The following LRTM2 variants were observed in gnomAD, a reference collection of about 807,000 sequenced individuals.
LRTM2 encodes leucine-rich repeat and transmembrane domain-containing protein 2.
A neutral mutation model predicts 28.1 loss-of-function variants in LRTM2; 18 were observed. That is an observed-to-expected ratio of 0.64 (90% confidence interval 0.44 to 0.95). LRTM2 has a LOEUF of 0.95. LRTM2 is among the 40% of genes least tolerant of loss of function. The pLI, the probability that LRTM2 is intolerant of heterozygous loss-of-function variation, is 0.00. For synonymous variants in LRTM2, 250 were observed against 218.7 expected (o/e 1.14, Z -1.26); for missense variants, 436 against 497.2 (o/e 0.88, Z 1.17).
intron 4 of LRTM2, 56 bp downstream of exon 4, chr12:1,831,581 C>T: frequency 7.0e-6 from 10 of 1,418,790 alleles, no homozygotes; most frequent in Non-Finnish European, 4.9e-6. Flanking sequence ...ACCTCTGGCC[C>T]CACACTTTCC....
rs1390257124 is a variant in LRTM2 at position 1,829,612 on chromosome 12, C to T, written c.68-1323C>T. Among the ~76,000 whole-genome samples the T allele has an allele frequency of 1.3e-5, 2 of 151,884 alleles. No homozygotes were observed. The highest frequency in any genetic ancestry group is 1.5e-5 in the Non-Finnish European group (1 of 67,960). On this transcript the variant is annotated intron_variant, in intron 3 of 4. Transcript: ENST00000299194. This position sits in a 1 kb window ranked among gnomAD's most constrained non-coding sequence, Gnocchi z 4.2. ...GAGAGTCTCATCCTGTTCCTTCAAGCTCCACCCTTTGGGACAGCAGACACC... is the reference window on the plus strand; with the variant it reads ...GAGAGTCTCATCCTGTTCCTTCAAGTTCCACCCTTTGGGACAGCAGACACC...
At chr12:1,827,275 TG>T (rs35473074) in intron 1 of LRTM2, 134 bp from the exon 2 acceptor site, 70,133 of 151,962 alleles carry the variant, frequency 0.46, 16,555 homozygotes, top group East Asian at 0.66. Context: ...TGGGAGACAC[TG>T]GGGGGGGCAG....
At position 1,830,984 on chromosome 12, in the gene LRTM2, C is replaced by T. The variant is rs779848631; in HGVS notation, c.117C>T (p.Cys39=). The T allele has an allele frequency of 6.2e-7, 1 of 1,613,830 alleles. No individual in the cohort carries two copies. The highest frequency in any genetic ancestry group is 2.2e-5 in the East Asian group (1 of 44,870). The part of the protein sequence containing the change: ...ALYAVEALPT[C]PFSCKCDSRS... ...ATGCTGTGGAGGCCCTCCCCACCTG[C>T]CCTTTCTCCTGCAAGTGTGACAGCC... Residue 39 remains cysteine (C), a synonymous_variant, in exon 4 of 5, where the codon TGC becomes TGT. Coordinates refer to ENST00000299194, the MANE Select transcript of LRTM2 (RefSeq NM_001039029.3).
chr12:1,828,340 T>G lies in LRTM2; in HGVS notation c.67+125T>G. On this transcript the variant is annotated intron_variant, in intron 3 of 4. Coordinates refer to ENST00000299194, the MANE Select transcript of LRTM2 (RefSeq NM_001039029.3). The surrounding 1 kb of genome is among the most constrained non-coding windows in gnomAD (Gnocchi z 4.2). The stretch of plus-strand genomic sequence containing the variant: ...CAGGGAGGCCTACGCCAGATCTTCC[T>G]GGGGTACCCGAGGCTATGTTCTGGG... 2.3e-6 allele frequency: 2 copies of G among 854,100 alleles called. No homozygotes were observed. The highest frequency in any genetic ancestry group is 2.6e-4 in the Middle Eastern group (1 of 3,824). The allele number at this position is 854,100 out of a possible 1,614,324, so 52.9% of individuals were successfully genotyped here. A position where few individuals can be genotyped will look rare whatever the true frequency, so the allele number is the denominator to read the frequency against.
intron 1 of LRTM2, among the ~76,000 whole-genome samples, chr12:1,824,003 C>A (rs982124770): frequency 1.3e-5 from 2 of 152,242 alleles, no homozygotes; most frequent in African/African-American, 4.8e-5. Context: ...TGAGTTATTT[C>A]ATTTCTGGTG....
intron 4 of LRTM2, among the ~76,000 whole-genome samples, chr12:1,832,686 T>C (rs1864685646): frequency 6.6e-6 from 1 of 152,180 alleles, no homozygotes. Context: ...CTATGATCAT[T>C]TCCCCCATTT....
intron 1 of LRTM2, among the ~76,000 whole-genome samples, chr12:1,821,161 G>T (rs995688582): frequency 6.6e-6 from 1 of 152,204 alleles, no homozygotes; most frequent in African/African-American, 2.4e-5. Context: ...TTGTGCTGTC[G>T]TTGTGCCCGG....
chr12:1,831,425 C>A lies in LRTM2; in HGVS notation c.558C>A (p.Pro186=), dbSNP rs747242920. 3 of 1,614,130 alleles carry A rather than the reference C, an allele frequency of 1.9e-6. No individual in the cohort carries two copies. The highest frequency in any genetic ancestry group is 2.7e-5 in the African/African-American group (2 of 75,066). The change falls in exon 4 of 5, where the codon CCC becomes CCA. Residue 186 remains proline, a synonymous_variant. Coordinates refer to ENST00000299194, the MANE Select transcript of LRTM2 (RefSeq NM_001039029.3). ...ATCTGGACCGGCTGACATTTGAACC[C>A]CTAGCAAACCTGCAGCTGCTGCAGG... ...LQNLDRLTFE[P]LANLQLLQVG...
rs1433945931 is a variant in LRTM2 at position 1,828,042 on chromosome 12, G to A, written c.-73-34G>A. 3.8e-5 allele frequency: 41 copies of A among 1,079,014 alleles called. No individual in the cohort carries two copies. Among genetic ancestry groups the A allele is most frequent in the East Asian group, 9.0e-5 (3 of 33,414 alleles). The allele number at this position is 1,079,014 out of a possible 1,614,324, so 66.8% of individuals were successfully genotyped here. A position where few individuals can be genotyped will look rare whatever the true frequency, so the allele number is the denominator to read the frequency against. On this transcript the variant is annotated intron_variant, in intron 2 of 4. Transcript: ENST00000299194. The surrounding 1 kb of genome is among the most constrained non-coding windows in gnomAD (Gnocchi z 4.2). ...CCCTGGGCTGGAACGGGGCTCCCGC[G>A]CCTGCCTGTGCTCAGTGCTCCTCCC...
In LRTM2 at chr12:1,835,950, C is replaced by T. The variant is rs1444047897; in HGVS notation, c.*1229C>T. On this transcript the variant is annotated 3_prime_UTR_variant, in exon 5 of 5. Transcript: ENST00000299194. ...GTGGTGCTTTGCCATTGGTGGCACC[C>T]TCTGGGGAAAGCAGGTGGCAGGCAG... 1 of 152,380 alleles carries T rather than the reference C, an allele frequency of 6.6e-6. No homozygotes were observed. The allele number at this position is 152,380 out of a possible 1,614,324, so 9.4% of individuals were successfully genotyped here. A position where few individuals can be genotyped will look rare whatever the true frequency, so the allele number is the denominator to read the frequency against.
chr12:1,833,397 C>T lies in LRTM2; in HGVS notation c.659-870C>T, dbSNP rs1864716157. ...GGTCTAGACAGATTATTGTCCTCAA[C>T]CACCTTCTCTCTCACCCCAGCCCTG... On this transcript the variant is annotated intron_variant, in intron 4 of 4. Coordinates refer to ENST00000299194, the MANE Select transcript of LRTM2 (RefSeq NM_001039029.3). The surrounding 1 kb of genome is among the most constrained non-coding windows in gnomAD (Gnocchi z 4.2). Among the ~76,000 whole-genome samples the T allele has an allele frequency of 6.6e-6, 1 of 152,154 alleles. No homozygotes were observed. Among genetic ancestry groups the T allele is most frequent in the Non-Finnish European group, 1.5e-5 (1 of 68,036 alleles).
rs1365094151 is a variant in LRTM2 at position 1,828,714 on chromosome 12, T to C, written c.67+499T>C. ...ATGCCTCCGCTTTCCCAACTCTCGGTAGAGGACCTAGTGGGCTCGTGGGAT... is the reference window on the plus strand; with the variant it reads ...ATGCCTCCGCTTTCCCAACTCTCGGCAGAGGACCTAGTGGGCTCGTGGGAT... On this transcript the variant is annotated intron_variant, in intron 3 of 4. Coordinates refer to ENST00000299194, the MANE Select transcript of LRTM2 (RefSeq NM_001039029.3). This position sits in a 1 kb window ranked among gnomAD's most constrained non-coding sequence, Gnocchi z 4.2. Among the ~76,000 whole-genome samples, 4 of 152,186 alleles carry C rather than the reference T, an allele frequency of 2.6e-5. No individual in the cohort carries two copies. The highest frequency in any genetic ancestry group is 9.7e-5 in the African/African-American group (4 of 41,446).
Position 1,831,162 on chromosome 12 carries a change from C to G in LRTM2, c.295C>G (p.Leu99Val). 1 of 1,614,034 alleles carries G rather than the reference C, an allele frequency of 6.2e-7. No homozygotes were observed. The highest frequency in any genetic ancestry group is 8.5e-7 in the Non-Finnish European group (1 of 1,180,042). Residue 99 changes from leucine to valine, a missense_variant, in exon 4 of 5, where the codon CTG becomes GTG. Transcript: ENST00000299194. ...ANLSSLQRLD[L>V]SNNFLDRLPR... ...CCTCTCCAGCCTGCAGCGGTTGGAC[C>G]TGTCCAACAACTTCCTGGACCGGCT...
intron 1 of LRTM2, among the ~76,000 whole-genome samples, chr12:1,821,780 C>T (rs1335914615): frequency 6.6e-6 from 1 of 152,146 alleles, no homozygotes; most frequent in Non-Finnish European, 1.5e-5. Context: ...GTTCACATTC[C>T]TGCACCTCCC....
At position 1,834,129 on chromosome 12, in the gene LRTM2, A is replaced by G; in HGVS notation, c.659-138A>G. ...TTCCCTCCTCCGCTTCCTCTTCTATAGATGGTGATTCCAGGATTGACTACA... is the reference window on the plus strand; with the variant it reads ...TTCCCTCCTCCGCTTCCTCTTCTATGGATGGTGATTCCAGGATTGACTACA... On this transcript the variant is annotated intron_variant, in intron 4 of 4. Transcript: ENST00000299194. This position sits in a 1 kb window ranked among gnomAD's most constrained non-coding sequence, Gnocchi z 7.6. 2.0e-6 allele frequency: 2 copies of G among 988,294 alleles called. No individual in the cohort carries two copies. The highest frequency in any genetic ancestry group is 2.9e-6 in the Non-Finnish European group (2 of 700,162). The allele number at this position is 988,294 out of a possible 1,614,324, so 61.2% of individuals were successfully genotyped here.
rs144205835 is a variant in LRTM2, at chr12:1,828,241, G to C, written c.67+26G>C. ...GTGAGTACACCCCTGGCCTCGGAGG[G>C]GGGTGCGGGTTGGGTGGGGGTGCCG... is the stretch of plus-strand genomic sequence containing the variant. On this transcript the variant is annotated intron_variant, in intron 3 of 4. Transcript: ENST00000299194. The surrounding 1 kb of genome is among the most constrained non-coding windows in gnomAD (Gnocchi z 4.2). 8.4e-5 allele frequency: 128 copies of C among 1,531,368 alleles called. No individual in the cohort carries two copies. The African/African-American group carries it at 1.7e-3, about 20-fold the overall frequency. 94.9% of individuals were successfully genotyped at this position (1,531,368 alleles called of 1,614,324 possible).
At position 1,828,829 on chromosome 12, in the gene LRTM2, C is replaced by T. The variant is rs534953833; in HGVS notation, c.67+614C>T. On this transcript the variant is annotated intron_variant, in intron 3 of 4. Coordinates refer to ENST00000299194, the MANE Select transcript of LRTM2 (RefSeq NM_001039029.3). This position sits in a 1 kb window ranked among gnomAD's most constrained non-coding sequence, Gnocchi z 4.2. ...TCCATTTACCAAAAAGGGGAGGAAG[C>T]GTGAATGAAGGCAACACTTGGCAGC... Among the ~76,000 whole-genome samples the T allele has an allele frequency of 6.3e-4, 96 of 152,302 alleles. No homozygotes were observed. Among genetic ancestry groups the T allele is most frequent in the African/African-American group, 2.1e-3 (89 of 41,564 alleles).
At position 1,829,731 on chromosome 12, in the gene LRTM2, T is replaced by G. The variant is rs550920269; in HGVS notation, c.68-1204T>G. Among the ~76,000 whole-genome samples, 1 of 144,692 alleles carries G rather than the reference T, an allele frequency of 6.9e-6. No individual in the cohort carries two copies. The highest frequency in any genetic ancestry group is 6.9e-5 in the Admixed American group (1 of 14,572). 94.9% of individuals were successfully genotyped at this position (144,692 alleles called of 152,430 possible). A position where few individuals can be genotyped will look rare whatever the true frequency, so the allele number is the denominator to read the frequency against. On this transcript the variant is annotated intron_variant, in intron 3 of 4. Transcript: ENST00000299194. This position sits in a 1 kb window ranked among gnomAD's most constrained non-coding sequence, Gnocchi z 4.2. ...TGGGACAGCCAGGTCCCAGGTCCCATGTCAGGGTGGGCCGATGGGCTGTGA... is the reference window on the plus strand; with the variant it reads ...TGGGACAGCCAGGTCCCAGGTCCCAGGTCAGGGTGGGCCGATGGGCTGTGA...
At chr12:1,824,605 G>C (rs1405706040) in intron 1 of LRTM2, among the ~76,000 whole-genome samples, 1 of 152,204 alleles carries the variant, frequency 6.6e-6, no homozygotes, top group African/African-American at 2.4e-5. Flanking sequence ...GCAGACAGGA[G>C]ATCTCGCTGT....
Sources: gnomAD v4.1 joint callset for allele counts (sites outside exome capture counted in the v4.1 genomes callset) on GRCh38, gnomAD v4.1.1 for gene constraint, Gnocchi (gnomAD v3.1) non-coding constraint, MANE v1.5 for transcripts, NCBI Gene and HGNC (gene_info 2026-07-23, HGNC 2026-07-21) for gene names.